LRGUK: variants seen among roughly 807,000 people sequenced by gnomAD.
LRGUK encodes the protein leucine-rich repeat and guanylate kinase domain-containing protein.
A neutral mutation model predicts 76.0 loss-of-function variants in LRGUK; 65 were observed. The ratio of observed to expected loss-of-function variants is 0.85; its 90% CI spans 0.70 to 1.05. The LOEUF is 1.05. Ranked by LOEUF, LRGUK falls within the 50% of genes least tolerant of loss-of-function variation. The pLI is 0.00. For missense variants in LRGUK, 758 were observed against 732.8 expected, an observed-to-expected ratio of 1.03 and a Z score of -0.40; for synonymous variants, 268 against 265.6, an observed-to-expected ratio of 1.01 and a Z score of -0.09.
chr7:134,166,047 G>T (rs144480573), intron 7 of LRGUK, among the ~76,000 whole-genome samples: 2 of 151,764 alleles, frequency 1.3e-5, no homozygotes, highest in African/African-American at 4.8e-5. Flanking sequence ...GGAGCAACCC[G>T]CAGGCTCCCC....
At chr7:134,169,133 GACACACACACACAC>G (rs36204942) in intron 7 of LRGUK, among the ~76,000 whole-genome samples, 2,908 of 135,546 alleles carry the variant, frequency 0.021, 102 homozygotes, top group African/African-American at 0.069. Context: ...AAGGGAAGAA[GACACACACACACAC>G]ACACACACAC....
chr7:134,221,826 A>G, exon 16 of LRGUK: 1 of 1,602,228 alleles, frequency 6.2e-7, no homozygotes, highest in Non-Finnish European at 8.5e-7. Flanking sequence ...TACAAAGTAT[A>G]TTTCTTCGAA....
chr7:134,185,970 C>T (rs1254995134), intron 11 of LRGUK, among the ~76,000 whole-genome samples: 1 of 152,102 alleles, frequency 6.6e-6, no homozygotes, highest in Admixed American at 6.6e-5. Flanking sequence ...TGTGGATGTA[C>T]TGAACCTGTT....
At chr7:134,256,720 T>C (rs1203183034) in intron 18 of LRGUK, among the ~76,000 whole-genome samples, 1 of 152,130 alleles carries the variant, frequency 6.6e-6, no homozygotes, top group Non-Finnish European at 1.5e-5. Context: ...CCCTCATGTC[T>C]TAACTAAAAT....
At position 134,245,190 on chromosome 7, in the gene LRGUK, AAAAC is replaced by A. The variant is rs201566646; in HGVS notation, c.1984-2358_1984-2355del. ...CCCTAGAACTTAAAGTATAATAATA[AAAAC>A]AAACAAAAAACAAAACAAAAATAAA... On this transcript the variant is annotated intron_variant, in intron 16 of 19. Coordinates refer to the LRGUK transcript ENST00000285928. 2.2e-4 allele frequency among the ~76,000 whole-genome samples: 34 copies of A among 152,324 alleles called. 1 individual carries two copies. The East Asian group carries it at 3.7e-3, about 16-fold the overall frequency.
chr7:134,273,080 C>T, the LRGUK span, among the ~76,000 whole-genome samples: 5 of 152,150 alleles, frequency 3.3e-5, no homozygotes, highest in African/African-American at 9.7e-5. Context: ...ATCATTCTGA[C>T]CTCTCCAGGT....
intron 16 of LRGUK, among the ~76,000 whole-genome samples, chr7:134,227,013 C>T (rs527689777): frequency 6.6e-6 from 1 of 151,196 alleles, no homozygotes; most frequent in Admixed American, 6.6e-5. Context: ...TCAGAGTAAC[C>T]TTCCTGCTGA....
chr7:134,222,379 T>C (rs945978616), intron 16 of LRGUK, among the ~76,000 whole-genome samples: 1 of 152,184 alleles, frequency 6.6e-6, no homozygotes, highest in African/African-American at 2.4e-5. Flanking sequence ...TCTCTGAAAG[T>C]TTTGAGAAAG....
In LRGUK at chr7:134,127,465, G is replaced by A. The variant is rs1471434572; in HGVS notation, c.98G>A (p.Arg33His). 16 of 1,613,854 alleles carry A rather than the reference G, an allele frequency of 9.9e-6. No homozygotes were observed. The Admixed American group carries it at 1.7e-4, about 17-fold the overall frequency. The change falls in exon 1 of 16, where the codon CGC (arginine) becomes CAC (histidine). Residue 33 changes from arginine to histidine, a missense_variant. By Grantham distance (29) the Arg-to-His change is conservative. Transcript: ENST00000645682. ...ACTGGAGCCCGATCGTTACAGTTTC[G>A]CGCAGAAAAAGAGCGTCAGCCTTGC...
intron 18 of LRGUK, among the ~76,000 whole-genome samples, chr7:134,257,549 T>TA (rs1473518694): frequency 6.6e-6 from 1 of 152,160 alleles, no homozygotes; most frequent in Non-Finnish European, 1.5e-5. Context: ...CTTACACTTG[T>TA]AATCCCAGTA....
chr7:134,260,523 C>G (rs935703519), intron 19 of LRGUK, among the ~76,000 whole-genome samples: 1 of 152,224 alleles, frequency 6.6e-6, no homozygotes. Context: ...GGCGTGTGTT[C>G]TAAGCCTAGG....
At chr7:134,274,602 T>TTCC in the LRGUK span, among the ~76,000 whole-genome samples, 1 of 151,980 alleles carries the variant, frequency 6.6e-6, no homozygotes, top group African/African-American at 2.4e-5. Context: ...TTTTAGTCTC[T>TTCC]TTCTTATATA....
intron 5 of LRGUK, among the ~76,000 whole-genome samples, chr7:134,157,285 T>C (rs1798509629): frequency 1.3e-5 from 2 of 152,326 alleles, no homozygotes; most frequent in Admixed American, 1.3e-4. Flanking sequence ...ACCACCCATT[T>C]GCTGCAGATG....
chr7:134,247,480 G>T, intron 16 of LRGUK, 76 bp from the exon 17 acceptor site: 1 of 1,081,738 alleles, frequency 9.2e-7, no homozygotes, highest in Non-Finnish European at 1.4e-6. Context: ...TAGTACCAAA[G>T]AGAATTATTA....
chr7:134,184,412 G>A (rs1799895181), intron 11 of LRGUK, among the ~76,000 whole-genome samples: 1 of 151,814 alleles, frequency 6.6e-6, no homozygotes, highest in South Asian at 2.1e-4. Context: ...TGGGACTACA[G>A]GCGGCTGCCA....
At chr7:134,213,970 C>T (rs996453861), downstream of LRGUK, among the ~76,000 whole-genome samples, 3 of 152,238 alleles carry the variant, frequency 2.0e-5, no homozygotes, top group African/African-American at 7.2e-5. Context: ...ATAGTGACTA[C>T]ATTAGTAATA....
At chr7:134,182,292 G>A (rs928855250) in intron 10 of LRGUK, among the ~76,000 whole-genome samples, 4 of 152,318 alleles carry the variant, frequency 2.6e-5, no homozygotes, top group Admixed American at 1.3e-4. Context: ...TTGGGTGATT[G>A]CAAATAGAGC....
rs146419169 is a variant in LRGUK, at chr7:134,165,632, A to G, written c.939+2092A>G. Among the ~76,000 whole-genome samples the G allele has an allele frequency of 6.6e-5, 10 of 152,354 alleles. No homozygotes were observed. The South Asian group carries it at 8.3e-4, about 13-fold the overall frequency. On this transcript the variant is annotated intron_variant, in intron 7 of 15. Coordinates refer to ENST00000645682, the Ensembl canonical transcript of LRGUK. ...TGTCATTTCAACATGTAATCTACAT[A>G]CAAACTTATTGATGAGATATTTAAC...
intron 6 of LRGUK, among the ~76,000 whole-genome samples, chr7:134,162,776 G>A (rs1231944773): frequency 1.4e-5 from 2 of 143,244 alleles, no homozygotes; most frequent in East Asian, 2.1e-4. Flanking sequence ...GCAGTGAGCC[G>A]AGGTCGTGCC....
Sources: allele counts gnomAD v4.1 joint callset (sites outside exome capture counted in the v4.1 genomes callset), GRCh38; gene constraint gnomAD v4.1.1; transcripts MANE v1.5; gene names NCBI Gene and HGNC (gene_info 2026-07-23, HGNC 2026-07-21).